PKN2: variants seen among roughly 807,000 people sequenced by gnomAD.
PKN2 encodes the protein serine/threonine-protein kinase N2.
PKN2 carries 38 observed loss-of-function variants against 119.1 expected under a neutral mutation model. The ratio of observed to expected loss-of-function variants is 0.32; its 90% CI spans 0.25 to 0.42. The LOEUF (loss-of-function observed/expected upper bound fraction) is 0.42. Among genes scored for constraint, PKN2 ranks in the 10% least tolerant of loss-of-function variants. The pLI, the probability that PKN2 is intolerant of heterozygous loss-of-function variation, is 1.00. For missense variants in PKN2, 850 were observed against 1,165.1 expected (o/e 0.73, Z 3.94); for synonymous variants, 390 against 384.9 (o/e 1.01, Z -0.15).
chr1:88,831,967 C>T (rs1672747280), intron 19 of PKN2, among the ~76,000 whole-genome samples: 1 of 151,902 alleles, frequency 6.6e-6, no homozygotes, highest in Admixed American at 6.6e-5. Flanking sequence ...ATCAAATTGT[C>T]ATACTGAATA....
intron 1 of PKN2, among the ~76,000 whole-genome samples, chr1:88,693,464 G>A (rs1324925295): frequency 6.6e-6 from 1 of 152,200 alleles, no homozygotes; most frequent in Non-Finnish European, 1.5e-5. Flanking sequence ...TCATTGACGG[G>A]TTCTTGGAAA....
intron 1 of PKN2, among the ~76,000 whole-genome samples, chr1:88,729,667 C>T (rs1668051552): frequency 6.6e-6 from 1 of 152,152 alleles, no homozygotes; most frequent in Admixed American, 6.5e-5. Context: ...CTTGGAACTC[C>T]TGCACATCAG....
chr1:88,787,458 T>C (rs1384354020), intron 8 of PKN2, among the ~76,000 whole-genome samples: 1 of 152,182 alleles, frequency 6.6e-6, no homozygotes, highest in African/African-American at 2.4e-5. Context: ...TCCAGGTTAG[T>C]TACATACCAG....
At chr1:88,716,421 G>T (rs1449528195) in intron 1 of PKN2, among the ~76,000 whole-genome samples, 2 of 152,054 alleles carry the variant, frequency 1.3e-5, no homozygotes, top group Non-Finnish European at 2.9e-5. Flanking sequence ...TTATTGTGTG[G>T]GAGTCTAAGT....
chr1:88,697,703 G>A (rs1173051944), intron 1 of PKN2, among the ~76,000 whole-genome samples: 1 of 151,984 alleles, frequency 6.6e-6, no homozygotes, highest in Non-Finnish European at 1.5e-5. Context: ...GCCCCAAAAT[G>A]CTTTTCATTC....
At chr1:88,814,294 G>A (rs893596938) in intron 16 of PKN2, among the ~76,000 whole-genome samples, 2 of 152,100 alleles carry the variant, frequency 1.3e-5, no homozygotes, top group African/African-American at 4.8e-5. Context: ...TGTAGTTTTT[G>A]AATTCAAGGT....
At chr1:88,788,291 G>A (rs1177217403) in intron 8 of PKN2, among the ~76,000 whole-genome samples, 2 of 152,132 alleles carry the variant, frequency 1.3e-5, no homozygotes, top group South Asian at 2.1e-4. Context: ...ACAGTCTTTT[G>A]TGTTGTTTTG....
chr1:88,712,055 G>GTGA (rs1667253794), intron 1 of PKN2, among the ~76,000 whole-genome samples: 1 of 151,958 alleles, frequency 6.6e-6, no homozygotes, highest in African/African-American at 2.4e-5. Context: ...ATAAACTTTA[G>GTGA]TGATACATTA....
intron 2 of PKN2, among the ~76,000 whole-genome samples, chr1:88,746,262 A>G (rs767464932): frequency 1.8e-4 from 28 of 152,268 alleles, no homozygotes; most frequent in Non-Finnish European, 2.8e-4. Context: ...GCAAAAATAG[A>G]TAGATGGGTT....
intron 6 of PKN2, among the ~76,000 whole-genome samples, chr1:88,774,413 G>A: frequency 6.6e-6 from 1 of 152,090 alleles, no homozygotes. Flanking sequence ...TTTCTGGCAT[G>A]GCCAGCCCCC....
Position 88,692,380 on chromosome 1 carries a change from C to T in PKN2, c.48+7752C>T, listed in dbSNP as rs1325377014. Among the ~76,000 whole-genome samples the T allele has an allele frequency of 2.0e-5, 3 of 152,216 alleles. No individual in the cohort carries two copies. In the East Asian group the frequency reaches 5.8e-4, roughly 29 times the overall value. ...CATGTGCCACAGTTCCTATTATATA[C>T]CTAGAGGTAGCATTGCTGCCTCACA... is the stretch of plus-strand genomic sequence containing the variant. On this transcript the variant is annotated intron_variant, in intron 1 of 21. Coordinates refer to ENST00000370521, the MANE Select transcript of PKN2 (RefSeq NM_006256.4).
At chr1:88,751,869 G>A (rs890680341) in intron 2 of PKN2, among the ~76,000 whole-genome samples, 3 of 150,872 alleles carry the variant, frequency 2.0e-5, no homozygotes, top group African/African-American at 7.4e-5. Context: ...TCAGCACTTA[G>A]AAACTGTTAT....
chr1:88,687,410 TTC>T (rs1274583854), intron 1 of PKN2, among the ~76,000 whole-genome samples: 4 of 152,218 alleles, frequency 2.6e-5, no homozygotes, highest in Non-Finnish European at 4.4e-5. Flanking sequence ...TTGTGTTGTA[TTC>T]TCTTTTTTTA....
chr1:88,819,936 A>G (rs1324000578), intron 16 of PKN2, among the ~76,000 whole-genome samples: 3 of 151,720 alleles, frequency 2.0e-5, no homozygotes, highest in Non-Finnish European at 2.9e-5. Flanking sequence ...ATGTTCTCAT[A>G]AGTGGGAGTT....
At chr1:88,814,372 TC>T (rs1671901708) in intron 16 of PKN2, among the ~76,000 whole-genome samples, 1 of 152,206 alleles carries the variant, frequency 6.6e-6, no homozygotes, top group Admixed American at 6.5e-5. Flanking sequence ...GTGTATATTT[TC>T]CCTGTTAGTA....
intron 2 of PKN2, among the ~76,000 whole-genome samples, chr1:88,742,829 G>C (rs1175740049): frequency 6.6e-6 from 1 of 151,966 alleles, no homozygotes; most frequent in African/African-American, 2.4e-5. Flanking sequence ...CTTGTGATTC[G>C]CTGGGATATA....
intron 1 of PKN2, among the ~76,000 whole-genome samples, chr1:88,738,547 AG>A (rs1471456238): frequency 6.6e-6 from 1 of 152,250 alleles, no homozygotes; most frequent in Non-Finnish European, 1.5e-5. Flanking sequence ...TTGGAGTTTA[AG>A]GAACAAAGTG....
rs992705053 is a variant in PKN2 at position 88,835,802 on chromosome 1, G to A, written c.*2354G>A. The stretch of plus-strand genomic sequence containing the variant: ...TTAAAGTCTATATAGATTGAAATTT[G>A]TAACTTTGGTTTTAAGTATTCTTTC... On this transcript the variant is annotated 3_prime_UTR_variant, in exon 22 of 22. Coordinates refer to ENST00000370521, the MANE Select transcript of PKN2 (RefSeq NM_006256.4). 1 of 152,256 alleles carries A rather than the reference G, an allele frequency of 6.6e-6. No individual in the cohort carries two copies. The highest frequency in any genetic ancestry group is 1.5e-5 in the Non-Finnish European group (1 of 67,888). 9.4% of individuals were successfully genotyped at this position (152,256 alleles called of 1,614,324 possible). A position where few individuals can be genotyped will look rare whatever the true frequency, so the allele number is the denominator to read the frequency against.
chr1:88,757,365 G>C (rs1424376592), intron 2 of PKN2, among the ~76,000 whole-genome samples: 1 of 152,008 alleles, frequency 6.6e-6, no homozygotes, highest in Non-Finnish European at 1.5e-5. Context: ...TGTCTGACTT[G>C]GTTGCCCAGG....
Sources: allele counts gnomAD v4.1 joint callset (sites outside exome capture counted in the v4.1 genomes callset), GRCh38; gene constraint gnomAD v4.1.1; transcripts MANE v1.5; gene names NCBI Gene and HGNC (gene_info 2026-07-23, HGNC 2026-07-21).